ZNF18: variants seen among roughly 807,000 people sequenced by gnomAD.
The protein encoded by ZNF18 is heart development-specific gene 1 protein.
Under a neutral mutation model 58.1 loss-of-function variants are expected in ZNF18, and 42 were observed. The observed-to-expected ratio is 0.72, with a 90% CI of 0.56 to 0.93. The LOEUF is 0.93. Ranked by LOEUF, ZNF18 falls within the 40% of genes least tolerant of loss-of-function variation. The pLI is 0.00. For missense variants in ZNF18, 540 were observed against 644.2 expected (o/e 0.84, Z 1.75); for synonymous variants, 231 against 239.8 (o/e 0.96, Z 0.34).
intron 4 of ZNF18, among the ~76,000 whole-genome samples, chr17:11,984,514 TG>T (rs146146739): frequency 0.013 from 1,673 of 126,850 alleles, 21 homozygotes; most frequent in East Asian, 0.051. Context: ...TGTTTTTATT[TG>T]GGTTTTTTTT....
At chr17:11,980,327 T>C (rs1363864049) in intron 6 of ZNF18, among the ~76,000 whole-genome samples, 2 of 152,252 alleles carry the variant, frequency 1.3e-5, no homozygotes. Context: ...ACTCGAAGAC[T>C]GCTGCCCATA....
chr17:12,007,005 G>T, the ZNF18 span, among the ~76,000 whole-genome samples: 16 of 152,238 alleles, frequency 1.1e-4, no homozygotes, highest in African/African-American at 3.1e-4. Context: ...ATGTAGTTTT[G>T]TGTGTTAGGC....
At chr17:11,982,553 ATAAT>A (rs1967426757) in intron 6 of ZNF18, among the ~76,000 whole-genome samples, 1 of 152,210 alleles carries the variant, frequency 6.6e-6, no homozygotes, top group Non-Finnish European at 1.5e-5. Context: ...GCAAAAGAAA[ATAAT>A]TAATTAGATG....
Position 11,992,929 on chromosome 17 carries a change from T to C in ZNF18, c.-82-18A>G, listed in dbSNP as rs1968223848. The stretch of plus-strand genomic sequence containing the variant: ...CCAGGACACTAAAAAGGGAATGAGA[T>C]TGAGTGCTACACAGAGGAAGGGGAC... On this transcript the variant is annotated intron_variant, in intron 1 of 6. Coordinates refer to ENST00000580306, the MANE Select transcript of ZNF18 (RefSeq NM_001303281.2). The C allele has an allele frequency of 3.7e-6, 5 of 1,361,496 alleles. No individual in the cohort carries two copies. Among genetic ancestry groups the C allele is most frequent in the South Asian group, 1.4e-5 (1 of 70,128 alleles). 84.3% of individuals were successfully genotyped at this position (1,361,496 alleles called of 1,614,324 possible). A position where few individuals can be genotyped will look rare whatever the true frequency, so the allele number is the denominator to read the frequency against.
At chr17:11,994,340 G>T (rs866335292) in intron 1 of ZNF18, among the ~76,000 whole-genome samples, 1 of 151,866 alleles carries the variant, frequency 6.6e-6, no homozygotes, top group Non-Finnish European at 1.5e-5. Context: ...AGGAAAAAGC[G>T]AAGTCAAAAG....
the ZNF18 span, among the ~76,000 whole-genome samples, chr17:12,020,028 T>C: frequency 1.3e-5 from 2 of 152,152 alleles, no homozygotes; most frequent in Admixed American, 1.3e-4. Context: ...AAAATAAAAG[T>C]CTCTGTGCAA....
chr17:12,019,194 C>T, the ZNF18 span, among the ~76,000 whole-genome samples: 1 of 151,934 alleles, frequency 6.6e-6, no homozygotes, highest in Non-Finnish European at 1.5e-5. Flanking sequence ...TAACTCCTGA[C>T]CTCACGTAAT....
chr17:12,013,456 A>G, the ZNF18 span, among the ~76,000 whole-genome samples: 1 of 152,112 alleles, frequency 6.6e-6, no homozygotes, highest in African/African-American at 2.4e-5. Context: ...TTTTTCTTTA[A>G]TACTAAGATT....
At chr17:11,981,528 AG>A (rs1367897827) in intron 6 of ZNF18, among the ~76,000 whole-genome samples, 4 of 109,218 alleles carry the variant, frequency 3.7e-5, no homozygotes, top group African/African-American at 1.4e-4. Context: ...AACCTATAAT[AG>A]CTTTTTTTTT....
chr17:12,007,092 A>T, the ZNF18 span, among the ~76,000 whole-genome samples: 1 of 152,132 alleles, frequency 6.6e-6, no homozygotes, highest in Non-Finnish European at 1.5e-5. Flanking sequence ...CTCTGAGCTT[A>T]ATCTCTGTTC....
rs1967101091 is a variant in ZNF18 at position 11,978,079 on chromosome 17, G to T, written c.1528C>A (p.His510Asn). ...SFIQRSNFNR[H>N]QRVHTGEKPY... ...TTCTCTCCAGTGTGAACCCTCTGAT[G>T]TCTATTAAAGTTTGATCTCTGAATG... Residue 510 changes from histidine to asparagine, a missense_variant, in exon 7 of 7, where the codon CAT becomes AAT. His to Asn is a moderately conservative substitution (Grantham distance 68). Coordinates refer to ENST00000580306, the MANE Select transcript of ZNF18 (RefSeq NM_001303281.2). 6.2e-7 allele frequency: 1 copy of T among 1,614,030 alleles called. No homozygotes were observed. Among genetic ancestry groups the T allele is most frequent in the Non-Finnish European group, 8.5e-7 (1 of 1,180,046 alleles).
intron 4 of ZNF18, among the ~76,000 whole-genome samples, chr17:11,989,824 A>G (rs1967986113): frequency 6.6e-6 from 1 of 152,184 alleles, no homozygotes; most frequent in Non-Finnish European, 1.5e-5. Flanking sequence ...AACAGAATGA[A>G]AAATATACTG....
intron 4 of ZNF18, 90 bp from the exon 5 acceptor site, chr17:11,984,287 G>T: frequency 7.8e-7 from 1 of 1,285,520 alleles, no homozygotes; most frequent in East Asian, 2.5e-5. Flanking sequence ...AAGCTGAGAA[G>T]ACAGAAACGT....
chr17:12,018,799 T>C, the ZNF18 span, among the ~76,000 whole-genome samples: 1 of 152,164 alleles, frequency 6.6e-6, no homozygotes, highest in Non-Finnish European at 1.5e-5. Context: ...AATGCAAGTA[T>C]ATGTCAGTTT....
At chr17:12,014,975 A>C in the ZNF18 span, among the ~76,000 whole-genome samples, 1 of 152,114 alleles carries the variant, frequency 6.6e-6, no homozygotes, top group South Asian at 2.1e-4. Context: ...GTGAACCCGG[A>C]AGGCAGAGCT....
intron 4 of ZNF18, among the ~76,000 whole-genome samples, chr17:11,985,519 CT>C (rs1156698151): frequency 1.3e-5 from 2 of 152,220 alleles, no homozygotes; most frequent in Non-Finnish European, 2.9e-5. Context: ...GCACACTGTA[CT>C]TTTTTTATTT....
intron 3 of ZNF18, among the ~76,000 whole-genome samples, 155 bp from the exon 4 acceptor site, chr17:11,990,705 C>G (rs1315088446): frequency 6.6e-6 from 1 of 152,198 alleles, no homozygotes; most frequent in Non-Finnish European, 1.5e-5. Flanking sequence ...CCCTGACACA[C>G]TCCAACCCCC....
chr17:11,998,089 A>G (rs72819239), upstream of ZNF18, among the ~76,000 whole-genome samples: 36,280 of 150,438 alleles, frequency 0.24, 5,167 homozygotes, highest in Middle Eastern at 0.35. Context: ...GTCATCCCTG[A>G]CTCTTCCCTT....
At chr17:11,986,675 C>A (rs1032866515) in intron 4 of ZNF18, among the ~76,000 whole-genome samples, 1 of 152,184 alleles carries the variant, frequency 6.6e-6, no homozygotes, top group Non-Finnish European at 1.5e-5. Context: ...CTTGAGCAAA[C>A]ATTGCTGAAC....
Sources: gnomAD v4.1 joint callset for allele counts (sites outside exome capture counted in the v4.1 genomes callset) on GRCh38, gnomAD v4.1.1 for gene constraint, MANE v1.5 for transcripts, NCBI Gene and HGNC (gene_info 2026-07-23, HGNC 2026-07-21) for gene names.